Variants in CPSF4L observed in about 807,000 individuals in gnomAD.
CPSF4L encodes putative cleavage and polyadenylation specificity factor subunit 4-like protein.
A neutral mutation model predicts 24.0 loss-of-function variants in CPSF4L; 18 were observed. The ratio of observed to expected loss-of-function variants is 0.75; its 90% CI spans 0.52 to 1.11. The LOEUF (loss-of-function observed/expected upper bound fraction) is 1.11, where lower values mean the gene tolerates loss of function less well. CPSF4L is among the 50% of genes least tolerant of loss of function. The probability of loss-of-function intolerance (pLI) is 0.00; values close to 1 mark genes in which losing one functional copy is unlikely to be tolerated. For missense variants in CPSF4L, 211 were observed against 221.8 expected (o/e 0.95, Z 0.31); for synonymous variants, 72 against 77.2 (o/e 0.93, Z 0.35).
At chr17:73,253,898 GCCC>G in intron 4 of CPSF4L, 30 bp downstream of exon 4, 4 of 1,462,544 alleles carry the variant, frequency 2.7e-6, no homozygotes, top group Non-Finnish European at 2.8e-6. Context: ...GATCCCCACA[GCCC>G]CTAGGGCTCC....
intron 2 of CPSF4L, among the ~76,000 whole-genome samples, chr17:73,260,338 C>A (rs575383178): frequency 1.3e-5 from 2 of 152,310 alleles, no homozygotes; most frequent in Non-Finnish European, 1.5e-5. Flanking sequence ...AAAAATACCC[C>A]TTTCCAGGCA....
chr17:73,257,751 AC>A lies in CPSF4L; in HGVS notation c.236del (p.Gly79ValfsTer37), dbSNP rs1380053067. ...KHWLRGLCKK[G>X]DHCKFLHQYD... Reference sequence around the variant, plus strand: ...ACTGGTGCAGGAACTTGCAGTGATCACCCTTCTTGCAGAGCCCCCGGAGCCA... The same window carrying A: ...ACTGGTGCAGGAACTTGCAGTGATCACCTTCTTGCAGAGCCCCCGGAGCCA... On this transcript the variant is annotated frameshift_variant, in exon 3 of 6. Transcript: ENST00000344935. LOFTEE classifies it high-confidence loss of function. 8 of 1,551,386 alleles carry A rather than the reference AC, an allele frequency of 5.2e-6. No homozygotes were observed. Among genetic ancestry groups the A allele is most frequent in the Non-Finnish European group, 7.0e-6 (8 of 1,146,934 alleles).
chr17:73,255,298 G>A (rs1475634661), intron 3 of CPSF4L, among the ~76,000 whole-genome samples: 1 of 151,962 alleles, frequency 6.6e-6, no homozygotes, highest in Non-Finnish European at 1.5e-5. Flanking sequence ...CCTGAGGTCA[G>A]GAGTTTGAGA....
At chr17:73,247,001 C>T (rs149096549), downstream of CPSF4L, among the ~76,000 whole-genome samples, 116 of 152,276 alleles carry the variant, frequency 7.6e-4, 1 homozygote, top group African/African-American at 2.7e-3. Context: ...TTCAGTAATA[C>T]CCTCTTTCCC....
In CPSF4L at chr17:73,248,536, C is replaced by T. The variant is rs1418892145; in HGVS notation, c.498G>A (p.Gln166=). The T allele has an allele frequency of 6.4e-7, 1 of 1,551,682 alleles. No homozygotes were observed. The highest frequency in any genetic ancestry group is 8.7e-7 in the Non-Finnish European group (1 of 1,146,972). The stretch of plus-strand genomic sequence containing the variant: ...GCAGCAGCTTGAATTCCCGAATCTT[C>T]CTGCAAGGTGCATACAAATGCAGCG... The part of the protein sequence containing the change: ...CPEGPKCQFA[Q]KIREFKLLPG... The change falls in exon 6 of 6, where the codon CAG becomes CAA. Residue 166 remains glutamine, a splice_region_variant and synonymous_variant. Transcript: ENST00000344935.
chr17:73,242,971 T>C, the CPSF4L span: 190 of 1,614,004 alleles, frequency 1.2e-4, no homozygotes, highest in Admixed American at 3.5e-4. Context: ...GGATACTTCG[T>C]CCTGTGTTGT....
chr17:73,247,519 T>C (rs138790372), downstream of CPSF4L: 336 of 584,584 alleles, frequency 5.7e-4, 1 homozygote, highest in African/African-American at 6.0e-3. Flanking sequence ...GTAGTATCAC[T>C]TGTCATAATC....
chr17:73,251,128 A>G lies in CPSF4L; in HGVS notation c.497+1502T>C, dbSNP rs1268434154. On this transcript the variant is annotated intron_variant, in intron 5 of 5. Coordinates refer to ENST00000344935, the MANE Select transcript of CPSF4L (RefSeq NM_001129885.1). ...TACAGCTGAAGTGCAGTCGTGAGAA[A>G]ACACCTACTGCAGATAGTCCCTGTG... 11 of 1,524,842 alleles carry G rather than the reference A, an allele frequency of 7.2e-6. No homozygotes were observed. The South Asian group carries it at 1.4e-4, about 19-fold the overall frequency. 94.5% of individuals were successfully genotyped at this position (1,524,842 alleles called of 1,614,324 possible).
intron 5 of CPSF4L, chr17:73,250,118 C>A: frequency 1.3e-6 from 1 of 774,420 alleles, no homozygotes; most frequent in Non-Finnish European, 1.9e-6. Context: ...AACCTGCCTG[C>A]CACAGGCTAC....
chr17:73,261,778 G>A lies in CPSF4L; in HGVS notation c.41C>T (p.Ala14Val), dbSNP rs1263523051. Residue 14 changes from alanine to valine, a missense_variant, in exon 1 of 6, where the codon GCC becomes GTC. Physicochemically the swap from Ala to Val is moderately conservative, Grantham distance 64. Coordinates refer to ENST00000344935, the MANE Select transcript of CPSF4L (RefSeq NM_001129885.1). ...CTGCATCTCGACATCCTTCTCGAAG[G>A]CAAAGGTGAACCGCTCTAGCCCCGC... is the stretch of plus-strand genomic sequence containing the variant. ...VIAGLERFTFAFEKDVEMQKG... is the reference protein window; with the variant it reads ...VIAGLERFTFVFEKDVEMQKG... 1 of 1,551,676 alleles carries A rather than the reference G, an allele frequency of 6.4e-7. No homozygotes were observed. Among genetic ancestry groups the A allele is most frequent in the African/African-American group, 1.4e-5 (1 of 73,056 alleles).
At chr17:73,252,362 G>T (rs2062009218) in intron 5 of CPSF4L, among the ~76,000 whole-genome samples, 1 of 152,212 alleles carries the variant, frequency 6.6e-6, no homozygotes, top group South Asian at 2.1e-4. Context: ...GGACTGGGGA[G>T]AAATGGGCAT....
chr17:73,259,314 T>C (rs893156219), intron 2 of CPSF4L, among the ~76,000 whole-genome samples: 7 of 151,648 alleles, frequency 4.6e-5, no homozygotes, highest in Non-Finnish European at 1.0e-4. Flanking sequence ...CTGACATAAT[T>C]TGGGGGCTAG....
downstream of CPSF4L, chr17:73,247,312 G>A (rs147867971): frequency 7.3e-4 from 1,171 of 1,614,198 alleles, 3 homozygotes; most frequent in Non-Finnish European, 8.5e-4. Flanking sequence ...GACGACTGGG[G>A]ATTGCCGCTC....
downstream of CPSF4L, among the ~76,000 whole-genome samples, chr17:73,246,272 G>T (rs184048450): frequency 7.7e-4 from 117 of 152,148 alleles, 1 homozygote; most frequent in African/African-American, 2.7e-3. Flanking sequence ...GGTGGCTCAC[G>T]CCTGTAATCC....
At chr17:73,249,141 C>A (rs564812192) in intron 5 of CPSF4L, among the ~76,000 whole-genome samples, 2 of 152,098 alleles carry the variant, frequency 1.3e-5, no homozygotes, top group African/African-American at 2.4e-5. Flanking sequence ...ATTCCAGCAA[C>A]GTCTGTGATG....
chr17:73,256,851 A>G (rs2062026168), intron 3 of CPSF4L, among the ~76,000 whole-genome samples: 1 of 151,916 alleles, frequency 6.6e-6, no homozygotes, highest in Non-Finnish European at 1.5e-5. Context: ...ACGTGGCAAA[A>G]CCCCGTCTCT....
At chr17:73,255,520 A>G (rs2145279090) in intron 3 of CPSF4L, among the ~76,000 whole-genome samples, 1 of 151,532 alleles carries the variant, frequency 6.6e-6, no homozygotes, top group East Asian at 1.9e-4. Context: ...AAAAAGAAAA[A>G]AAAAAAAAAA....
the CPSF4L span, chr17:73,242,962 G>A: frequency 1.2e-6 from 2 of 1,614,006 alleles, no homozygotes; most frequent in Non-Finnish European, 1.7e-6. Flanking sequence ...CTCTTCACAG[G>A]ATACTTCGTC....
Position 73,254,041 on chromosome 17 carries a change from A to AC in CPSF4L, c.308-16dup, listed in dbSNP as rs1012192806. 3 of 1,544,158 alleles carry AC rather than the reference A, an allele frequency of 1.9e-6. No homozygotes were observed. Among genetic ancestry groups the AC allele is most frequent in the African/African-American group, 1.4e-5 (1 of 72,806 alleles). ...GCTGCAGTCACCTGAAAATCCCAGC[A>AC]CTCTCTGTAGAAGCAGTTTCTCTTT... On this transcript the variant is annotated splice_polypyrimidine_tract_variant and intron_variant, in intron 3 of 5. Transcript: ENST00000344935.
Sources: gnomAD v4.1 joint callset for allele counts (sites outside exome capture counted in the v4.1 genomes callset) on GRCh38, gnomAD v4.1.1 for gene constraint, MANE v1.5 for transcripts, NCBI Gene and HGNC (gene_info 2026-07-23, HGNC 2026-07-21) for gene names.